EIF2A: variants seen among roughly 807,000 people sequenced by gnomAD.
EIF2A encodes eukaryotic translation initiation factor 2A, also known as 65 kDa eukaryotic translation initiation factor 2A.
In EIF2A, 62 loss-of-function variants were observed where a neutral mutation model predicts 75.2. The observed-to-expected ratio is 0.82, with a 90% CI of 0.67 to 1.02. The LOEUF (loss-of-function observed/expected upper bound fraction) is 1.02, where lower values mean the gene tolerates loss of function less well. EIF2A is among the 50% of genes least tolerant of loss of function. The pLI, the probability that EIF2A is intolerant of heterozygous loss-of-function variation, is 0.00. For missense variants in EIF2A, 611 were observed against 677.7 expected, an observed-to-expected ratio of 0.90 and a Z score of 1.09; for synonymous variants, 207 against 239.0, an observed-to-expected ratio of 0.87 and a Z score of 1.23.
Position 150,585,275 on chromosome 3 carries a change from C to G in EIF2A, c.*1364C>G, listed in dbSNP as rs192572270. 5 of 152,472 alleles carry G rather than the reference C, an allele frequency of 3.3e-5. No individual in the cohort carries two copies. The East Asian group carries it at 9.7e-4, about 29-fold the overall frequency. 9.4% of individuals were successfully genotyped at this position (152,472 alleles called of 1,614,324 possible). On this transcript the variant is annotated 3_prime_UTR_variant, in exon 14 of 14. Transcript: ENST00000460851. ...TGGCTCACACCTGTAATCCCAGCACCTTGGGAGGCCAAGGTGGGTGGATCA... is the reference window on the plus strand; with the variant it reads ...TGGCTCACACCTGTAATCCCAGCACGTTGGGAGGCCAAGGTGGGTGGATCA...
chr3:150,564,489 T>C (rs1724062804), intron 6 of EIF2A, 108 bp downstream of exon 6: 3 of 763,958 alleles, frequency 3.9e-6, no homozygotes, highest in Non-Finnish European at 2.0e-6. Context: ...AATCTATTAA[T>C]CAATAATTAC....
chr3:150,575,737 A>G lies in EIF2A; in HGVS notation c.1472A>G (p.His491Arg). 1.2e-6 allele frequency: 2 copies of G among 1,612,492 alleles called. No individual in the cohort carries two copies. The highest frequency in any genetic ancestry group is 1.7e-6 in the Non-Finnish European group (2 of 1,179,308). Residue 491 changes from histidine to arginine, a missense_variant, in exon 11 of 14, where the codon CAT (histidine) becomes CGT (arginine). Coordinates refer to ENST00000460851, the MANE Select transcript of EIF2A (RefSeq NM_032025.5). ...ACAGCTCTTAAAAATCAAAGGAAGCATGAAGCTAAGAAAGCTGCAAAGCAG... is the reference window on the plus strand; with the variant it reads ...ACAGCTCTTAAAAATCAAAGGAAGCGTGAAGCTAAGAAAGCTGCAAAGCAG... ...SKTALKNQRK[H>R]EAKKAAKQEA...
rs1171287633 is a variant in EIF2A at position 150,571,948 on chromosome 3, C to T, written c.812-10C>T. The T allele has an allele frequency of 1.3e-6, 2 of 1,590,286 alleles. No homozygotes were observed. Among genetic ancestry groups the T allele is most frequent in the Middle Eastern group, 1.7e-4 (1 of 5,932 alleles). ...TTATTGCTAATTTGGGCTTTATATT[C>T]TTTTTCTAGCAAAAAATGGCCCCAT... On this transcript the variant is annotated splice_polypyrimidine_tract_variant and intron_variant, in intron 9 of 13. Transcript: ENST00000460851.
chr3:150,572,049 T>A lies in EIF2A; in HGVS notation c.903T>A (p.Ile301=). ...VYGFMPAKAT[I]FNLKCDPVFD... ...GTTTTATGCCTGCCAAAGCGACAAT[T>A]TTCAACTTGAAATGTGATCCTGTAT... The change falls in exon 10 of 14, where the codon ATT becomes ATA. Residue 301 remains isoleucine, a synonymous_variant. Transcript: ENST00000460851. The A allele has an allele frequency of 6.2e-7, 1 of 1,614,004 alleles. No homozygotes were observed. Among genetic ancestry groups the A allele is most frequent in the South Asian group, 1.1e-5 (1 of 91,078 alleles).
In EIF2A at chr3:150,585,927, C is replaced by G. The variant is rs924247108; in HGVS notation, c.*2016C>G. On this transcript the variant is annotated 3_prime_UTR_variant, in exon 14 of 14. Coordinates refer to ENST00000460851, the MANE Select transcript of EIF2A (RefSeq NM_032025.5). ...GCAGCCAGCTGTAAGCCAGAGAGTC[C>G]TCACCAGAACCTAACCATGCTGGTG... Among the ~76,000 whole-genome samples the G allele has an allele frequency of 5.3e-5, 8 of 152,184 alleles. No individual in the cohort carries two copies. Among genetic ancestry groups the G allele is most frequent in the Admixed American group, 1.3e-4 (2 of 15,272 alleles).
intron 1 of EIF2A, among the ~76,000 whole-genome samples, chr3:150,551,573 A>AG (rs1723316020): frequency 6.6e-6 from 1 of 151,532 alleles, no homozygotes; most frequent in African/African-American, 2.4e-5. Flanking sequence ...TCTACAAAAA[A>AG]AAAAAATAGC....
At chr3:150,549,509 T>C (rs1365501183) in intron 1 of EIF2A, among the ~76,000 whole-genome samples, 3 of 152,152 alleles carry the variant, frequency 2.0e-5, no homozygotes, top group Non-Finnish European at 4.4e-5. Flanking sequence ...TGAGCCACCA[T>C]GCCTGGCCAG....
At chr3:150,564,770 C>G (rs1218224147) in intron 6 of EIF2A, 1 of 178,680 alleles carries the variant, frequency 5.6e-6, no homozygotes, top group African/African-American at 2.4e-5. Flanking sequence ...CAGCTACCAT[C>G]TCTTACTAAG....
chr3:150,568,098 G>A, intron 8 of EIF2A, 52 bp downstream of exon 8: 24 of 1,598,096 alleles, frequency 1.5e-5, no homozygotes, highest in Non-Finnish European at 2.0e-5. Flanking sequence ...GTTAATTTAG[G>A]CTATATTCCT....
chr3:150,575,614 G>T, intron 10 of EIF2A, 35 bp from the exon 11 acceptor site: 1 of 1,522,246 alleles, frequency 6.6e-7, no homozygotes, highest in South Asian at 1.2e-5. Context: ...TTACAACATG[G>T]ACTCCATTTC....
chr3:150,567,750 G>C lies in EIF2A; in HGVS notation c.533G>C (p.Gly178Ala). The change falls in exon 7 of 14, where the codon GGA becomes GCA. Residue 178 changes from glycine (G) to alanine (A), a missense_variant. Transcript: ENST00000460851. ...QKINDFVLSP[G>A]PQPYKVAVYV... ...ATTAATGATTTTGTATTATCACCTGGACCCCAACCATACAAGGTAATTGCT... is the reference window on the plus strand; with the variant it reads ...ATTAATGATTTTGTATTATCACCTGCACCCCAACCATACAAGGTAATTGCT... The C allele has an allele frequency of 6.4e-7, 1 of 1,563,862 alleles. No individual in the cohort carries two copies.
intron 9 of EIF2A, among the ~76,000 whole-genome samples, chr3:150,570,557 C>G (rs557785847): frequency 1.9e-4 from 27 of 144,210 alleles, no homozygotes; most frequent in Admixed American, 1.7e-3. Context: ...CAAAATGAGA[C>G]CATCTCTTTA....
chr3:150,572,805 G>A (rs1404973645), intron 10 of EIF2A, among the ~76,000 whole-genome samples: 1 of 146,532 alleles, frequency 6.8e-6, no homozygotes, highest in East Asian at 2.1e-4. Context: ...GCAGTGAGCC[G>A]AGATCGCACC....
intron 6 of EIF2A, chr3:150,564,599 G>C (rs1724071048): frequency 2.8e-6 from 1 of 357,096 alleles, no homozygotes; most frequent in Non-Finnish European, 5.1e-6. Flanking sequence ...TCTGGTAATT[G>C]CTATTAAGAC....
intron 3 of EIF2A, 148 bp from the exon 4 acceptor site, chr3:150,562,394 C>T (rs1415127138): frequency 2.2e-5 from 11 of 510,908 alleles, no homozygotes; most frequent in Non-Finnish European, 3.7e-5. Flanking sequence ...TGCACTCCAA[C>T]CTGGGAGACA....
intron 6 of EIF2A, chr3:150,566,637 G>T (rs1724197350): frequency 6.6e-6 from 1 of 151,660 alleles, no homozygotes; most frequent in Non-Finnish European, 1.5e-5. Flanking sequence ...ATTGCCTTCT[G>T]TCACCACCAA....
chr3:150,582,155 C>T (rs1725223536), intron 12 of EIF2A, among the ~76,000 whole-genome samples: 9 of 151,370 alleles, frequency 5.9e-5, no homozygotes, highest in Admixed American at 5.9e-4. Context: ...TGTGCGCCAC[C>T]ACGCCTGGCT....
At chr3:150,581,460 T>C (rs1334460955) in intron 11 of EIF2A, among the ~76,000 whole-genome samples, 158 bp from the exon 12 acceptor site, 1 of 152,218 alleles carries the variant, frequency 6.6e-6, no homozygotes, top group Non-Finnish European at 1.5e-5. Flanking sequence ...TGGGAGTATG[T>C]AGCATACTTC....
intron 11 of EIF2A, among the ~76,000 whole-genome samples, chr3:150,578,080 T>C (rs534410041): frequency 1.3e-5 from 2 of 152,232 alleles, no homozygotes; most frequent in African/African-American, 4.8e-5. Flanking sequence ...AACTCATTAG[T>C]AGTATCCTTA....
Sources: allele counts gnomAD v4.1 joint callset (sites outside exome capture counted in the v4.1 genomes callset), GRCh38; gene constraint gnomAD v4.1.1; transcripts MANE v1.5; gene names NCBI Gene and HGNC (gene_info 2026-07-23, HGNC 2026-07-21).